Variants in STIM1 observed in about 807,000 individuals in gnomAD.
The protein encoded by STIM1 is stromal interaction molecule 1.
In STIM1, 25 loss-of-function variants were observed where a neutral mutation model predicts 74.7. The ratio of observed to expected loss-of-function variants is 0.33; its 90% CI spans 0.24 to 0.47. The LOEUF (loss-of-function observed/expected upper bound fraction) is 0.47. Ranked by LOEUF, STIM1 falls within the 20% of genes least tolerant of loss-of-function variation. STIM1 has a pLI of 1.00. For missense variants in STIM1, 728 were observed against 920.8 expected, an observed-to-expected ratio of 0.79 and a Z score of 2.71; for synonymous variants, 328 against 348.8, an observed-to-expected ratio of 0.94 and a Z score of 0.66.
chr11:3,972,937 T>C, intron 2 of STIM1: 1 of 510,762 alleles, frequency 2.0e-6, no homozygotes, highest in South Asian at 1.4e-5. Flanking sequence ...TGAGGACTGA[T>C]TGTTATAATT....
At chr11:3,858,831 G>A (rs61899394) in intron 1 of STIM1, among the ~76,000 whole-genome samples, 11 of 152,180 alleles carry the variant, frequency 7.2e-5, no homozygotes, top group Non-Finnish European at 1.3e-4. Flanking sequence ...CAATAGCCCT[G>A]TTACAATGCA....
chr11:3,897,837 C>T (rs1288044901), intron 1 of STIM1, among the ~76,000 whole-genome samples: 1 of 152,132 alleles, frequency 6.6e-6, no homozygotes, highest in Non-Finnish European at 1.5e-5. Context: ...CTACAAAGGA[C>T]ACGAACTCAT....
At chr11:3,873,870 A>C (rs955507663) in intron 1 of STIM1, among the ~76,000 whole-genome samples, 2 of 152,150 alleles carry the variant, frequency 1.3e-5, no homozygotes, top group African/African-American at 4.8e-5. Flanking sequence ...AAATTAGGGC[A>C]CTTGAGCATA....
intron 1 of STIM1, among the ~76,000 whole-genome samples, chr11:3,946,950 G>T (rs996202000): frequency 6.6e-6 from 1 of 152,116 alleles, no homozygotes; most frequent in Admixed American, 6.5e-5. Flanking sequence ...TCAGTGCTTT[G>T]TAAGAGTCCT....
intron 2 of STIM1, among the ~76,000 whole-genome samples, chr11:4,018,344 C>G (rs1229194472): frequency 1.4e-5 from 2 of 145,422 alleles, no homozygotes; most frequent in African/African-American, 5.1e-5. Flanking sequence ...CCCAGCTACT[C>G]GGGAGGCTGA....
intron 1 of STIM1, among the ~76,000 whole-genome samples, chr11:3,946,622 T>A (rs2093077317): frequency 6.6e-6 from 1 of 152,178 alleles, no homozygotes; most frequent in South Asian, 2.1e-4. Context: ...TCTTAAGCAA[T>A]CAGAAGCATT....
chr11:3,959,163 G>A (rs1263140633), intron 1 of STIM1, among the ~76,000 whole-genome samples: 1 of 152,146 alleles, frequency 6.6e-6, no homozygotes, highest in Non-Finnish European at 1.5e-5. Context: ...CCCATCAAGA[G>A]TAGCTGCAGA....
At chr11:4,049,091 A>G (rs553324518) in intron 3 of STIM1, among the ~76,000 whole-genome samples, 2 of 152,300 alleles carry the variant, frequency 1.3e-5, no homozygotes, top group South Asian at 4.1e-4. Flanking sequence ...ATCACATTAT[A>G]ATATTGAGGA....
At chr11:4,022,644 C>A (rs1223183871) in intron 2 of STIM1, among the ~76,000 whole-genome samples, 1 of 152,098 alleles carries the variant, frequency 6.6e-6, no homozygotes, top group Non-Finnish European at 1.5e-5. Flanking sequence ...TATATTCCTT[C>A]TATACCTAAT....
intron 2 of STIM1, among the ~76,000 whole-genome samples, chr11:3,987,936 C>G (rs762764856): frequency 7.2e-5 from 11 of 152,134 alleles, no homozygotes; most frequent in Non-Finnish European, 8.8e-5. Context: ...TTGGGAGAGG[C>G]ATGAGTTTGT....
At chr11:3,970,849 G>A (rs2093386063) in intron 2 of STIM1, among the ~76,000 whole-genome samples, 1 of 152,068 alleles carries the variant, frequency 6.6e-6, no homozygotes, top group Non-Finnish European at 1.5e-5. Context: ...CATTTTTACT[G>A]CATCTTTACT....
chr11:4,050,064 C>T (rs541271351), intron 3 of STIM1, among the ~76,000 whole-genome samples: 2 of 152,164 alleles, frequency 1.3e-5, no homozygotes, highest in Admixed American at 6.5e-5. Flanking sequence ...TTCATTTTAT[C>T]CCAGACACCA....
intron 10 of STIM1, 120 bp downstream of exon 10, chr11:4,083,618 C>T (rs1565171199): frequency 2.1e-6 from 2 of 968,038 alleles, no homozygotes; most frequent in East Asian, 2.6e-5. Context: ...TAGTTCAACT[C>T]ATGACCTTGG....
chr11:3,953,414 C>G (rs746827587), intron 1 of STIM1, among the ~76,000 whole-genome samples: 7 of 152,172 alleles, frequency 4.6e-5, no homozygotes, highest in Non-Finnish European at 8.8e-5. Context: ...AGCCCTGCTT[C>G]CTCACCCCAC....
chr11:3,946,111 C>A lies in STIM1; in HGVS notation c.140-21441C>A, dbSNP rs2093069656. On this transcript the variant is annotated intron_variant, in intron 1 of 12. Transcript: ENST00000526596. ...TGAAATTTGGGTAGGGATGAATATCCCAACTATATCAATGGGGTTGGAACA... is the reference window on the plus strand; with the variant it reads ...TGAAATTTGGGTAGGGATGAATATCACAACTATATCAATGGGGTTGGAACA... Among the ~76,000 whole-genome samples the A allele has an allele frequency of 3.9e-5, 6 of 152,074 alleles. No homozygotes were observed. The South Asian group carries it at 1.2e-3, about 31-fold the overall frequency.
intron 6 of STIM1, among the ~76,000 whole-genome samples, chr11:4,072,937 G>T (rs1436736459): frequency 6.6e-6 from 1 of 151,940 alleles, no homozygotes; most frequent in African/African-American, 2.4e-5. Context: ...GACAAATTAG[G>T]CAGATCACAA....
At chr11:3,991,900 A>T (rs1326495271) in intron 2 of STIM1, among the ~76,000 whole-genome samples, 8 of 137,064 alleles carry the variant, frequency 5.8e-5, no homozygotes. Flanking sequence ...CGGTGAGCCG[A>T]GATCGTGCCA....
At chr11:3,967,077 T>A (rs1433143319) in intron 1 of STIM1, among the ~76,000 whole-genome samples, 5 of 152,226 alleles carry the variant, frequency 3.3e-5, no homozygotes, top group Non-Finnish European at 7.3e-5. Context: ...AAAGGAAAAT[T>A]ACACATCATT....
intron 3 of STIM1, among the ~76,000 whole-genome samples, chr11:4,033,961 T>C (rs2094076574): frequency 6.6e-6 from 1 of 151,808 alleles, no homozygotes; most frequent in African/African-American, 2.4e-5. Context: ...CCAGATGCGG[T>C]GGCTTATGCC....
Sources: allele counts gnomAD v4.1 joint callset (sites outside exome capture counted in the v4.1 genomes callset), GRCh38; gene constraint gnomAD v4.1.1; transcripts MANE v1.5; gene names NCBI Gene and HGNC (gene_info 2026-07-23, HGNC 2026-07-21).